Variants in CCDC93 observed in about 807,000 individuals in gnomAD.
CCDC93 encodes the protein coiled-coil domain-containing protein 93.
CCDC93 carries 61 observed loss-of-function variants against 108.2 expected under a neutral mutation model. That is an observed-to-expected ratio of 0.56 (90% CI 0.46 to 0.70). The LOEUF is 0.70. CCDC93 is among the 30% of genes least tolerant of loss of function. CCDC93 has a pLI of 0.00. For missense variants in CCDC93, 685 were observed against 764.2 expected, an observed-to-expected ratio of 0.90 and a Z score of 1.22; for synonymous variants, 276 against 260.4, an observed-to-expected ratio of 1.06 and a Z score of -0.58.
Position 118,006,742 on chromosome 2 carries a change from G to A in CCDC93, c.231C>T (p.Asn77=). ...DVDVDLLFQE[N]STIGQKIALS... ...CTTACATTTTTTGACCTATCGTAGA[G>A]TTTTCTTGAAAGAGCAAATCAACAT... The change falls in exon 3 of 24, where the codon AAC becomes AAT. Residue 77 remains asparagine, a synonymous_variant. Coordinates refer to ENST00000376300, the MANE Select transcript of CCDC93 (RefSeq NM_019044.5). 1 of 1,610,614 alleles carries A rather than the reference G, an allele frequency of 6.2e-7. No individual in the cohort carries two copies. The highest frequency in any genetic ancestry group is 8.5e-7 in the Non-Finnish European group (1 of 1,176,826).
intron 23 of CCDC93, among the ~76,000 whole-genome samples, chr2:117,925,962 C>T (rs1023470024): frequency 2.0e-5 from 3 of 152,016 alleles, no homozygotes; most frequent in Non-Finnish European, 2.9e-5. Context: ...GGATTAAGAA[C>T]CTCACTCAAA....
chr2:117,985,299 T>C (rs1437059274), intron 7 of CCDC93: 1 of 185,070 alleles, frequency 5.4e-6, no homozygotes, highest in Non-Finnish European at 1.0e-5. Flanking sequence ...TGCAGTTAGT[T>C]CCAGCCACCC....
At position 117,966,200 on chromosome 2, in the gene CCDC93, G is replaced by A. The variant is rs60845130; in HGVS notation, c.888+7708C>T. The stretch of plus-strand genomic sequence containing the variant: ...CCTGTCTCCTACTCTTTCTAGTTCA[G>A]AGGGGCTGCCAGTCACACCCAACTC... On this transcript the variant is annotated intron_variant, in intron 11 of 23. Transcript: ENST00000376300. 6.5e-4 allele frequency among the ~76,000 whole-genome samples: 99 copies of A among 152,328 alleles called. No individual in the cohort carries two copies. In the East Asian group the frequency reaches 0.018, roughly 27 times the overall value.
intron 11 of CCDC93, among the ~76,000 whole-genome samples, chr2:117,967,055 C>T (rs893745832): frequency 5.9e-5 from 9 of 152,150 alleles, no homozygotes; most frequent in African/African-American, 2.2e-4. Context: ...TGCAGTGGCG[C>T]GATCTCAGCT....
At chr2:117,985,492 T>A in intron 7 of CCDC93, 1 of 906,070 alleles carries the variant, frequency 1.1e-6, no homozygotes, top group Non-Finnish European at 1.3e-6. Context: ...TTGCACTTTT[T>A]TTTAAAGTAA....
chr2:117,952,547 G>T, intron 12 of CCDC93, 112 bp from the exon 13 acceptor site: 1 of 804,432 alleles, frequency 1.2e-6, no homozygotes. Context: ...CTGAGCAAAT[G>T]TGAAAATTTT....
chr2:118,006,855 G>A (rs1163228219), intron 2 of CCDC93, 39 bp from the exon 3 acceptor site: 2 of 1,313,468 alleles, frequency 1.5e-6, no homozygotes, highest in Non-Finnish European at 2.2e-6. Context: ...TCTCTTTTTA[G>A]TTTGGGGAGA....
intron 1 of CCDC93, among the ~76,000 whole-genome samples, chr2:118,009,666 T>C (rs1406667262): frequency 6.6e-6 from 1 of 152,160 alleles, no homozygotes; most frequent in Admixed American, 6.5e-5. Context: ...AGCAAGACTC[T>C]ATCTCTAAAA....
intron 13 of CCDC93, chr2:117,950,743 TG>T: frequency 1.0e-6 from 1 of 985,430 alleles, no homozygotes; most frequent in Non-Finnish European, 1.2e-6. Context: ...CTTCAGAAGT[TG>T]TTCAGTACTA....
At chr2:117,934,143 T>C (rs546583219) in intron 22 of CCDC93, 1 of 152,312 alleles carries the variant, frequency 6.6e-6, no homozygotes, top group African/African-American at 2.4e-5. Flanking sequence ...AGTTTTTTCC[T>C]TTGGCCTCCA....
At chr2:117,961,511 A>T (rs767896948) in intron 11 of CCDC93, among the ~76,000 whole-genome samples, 13 of 152,218 alleles carry the variant, frequency 8.5e-5, no homozygotes, top group Non-Finnish European at 1.8e-4. Context: ...ACAGTTTATT[A>T]CTGAGCTGAA....
chr2:117,944,477 T>C (rs907176756), intron 17 of CCDC93, among the ~76,000 whole-genome samples: 11 of 152,160 alleles, frequency 7.2e-5, no homozygotes, highest in African/African-American at 2.4e-4. Flanking sequence ...TGTTATCCAA[T>C]GTGATAGCCA....
At chr2:117,931,192 C>T (rs777213122) in intron 22 of CCDC93, 42 bp from the exon 23 acceptor site, 21 of 1,411,826 alleles carry the variant, frequency 1.5e-5, no homozygotes, top group Non-Finnish European at 2.0e-5. Flanking sequence ...AAGACATGTT[C>T]TGCCCAAGGG....
chr2:117,941,384 G>C (rs548341612), intron 18 of CCDC93, 87 bp from the exon 19 acceptor site: 42 of 985,390 alleles, frequency 4.3e-5, no homozygotes, highest in Non-Finnish European at 6.4e-5. Flanking sequence ...CCTGCACCCC[G>C]ACCTGAGCCC....
chr2:117,950,162 A>G, intron 13 of CCDC93: 1 of 985,406 alleles, frequency 1.0e-6, no homozygotes, highest in Non-Finnish European at 1.2e-6. Flanking sequence ...GGCTGCATAA[A>G]ATGCATGGAT....
At chr2:117,947,663 C>A (rs1194710920) in intron 15 of CCDC93, among the ~76,000 whole-genome samples, 2 of 150,376 alleles carry the variant, frequency 1.3e-5, no homozygotes, top group African/African-American at 4.9e-5. Context: ...TCAGCTTATA[C>A]AACTGACAAA....
chr2:117,955,586 C>T (rs1679192306), intron 12 of CCDC93, among the ~76,000 whole-genome samples: 1 of 152,128 alleles, frequency 6.6e-6, no homozygotes, highest in Non-Finnish European at 1.5e-5. Flanking sequence ...TTGGTTCAAC[C>T]ACTAACAAGC....
chr2:117,977,655 C>A (rs925359549), intron 8 of CCDC93, among the ~76,000 whole-genome samples: 3 of 152,218 alleles, frequency 2.0e-5, no homozygotes, highest in Admixed American at 6.5e-5. Flanking sequence ...CTGTTCACAT[C>A]TATTTAGAGT....
intron 11 of CCDC93, among the ~76,000 whole-genome samples, chr2:117,968,594 T>C (rs1165037068): frequency 6.6e-6 from 1 of 152,220 alleles, no homozygotes; most frequent in Non-Finnish European, 1.5e-5. Context: ...AGATACATGT[T>C]ATGTTACACT....
Sources: gnomAD v4.1 joint callset for allele counts (sites outside exome capture counted in the v4.1 genomes callset) on GRCh38, gnomAD v4.1.1 for gene constraint, MANE v1.5 for transcripts, NCBI Gene and HGNC (gene_info 2026-07-23, HGNC 2026-07-21) for gene names.